DOCK10: variants seen among roughly 807,000 people sequenced by gnomAD.
The protein encoded by DOCK10 is dedicator of cytokinesis 10, also known as dedicator of cytokinesis protein 10.
Under a neutral mutation model 280.1 loss-of-function variants are expected in DOCK10, and 145 were observed. That is an observed-to-expected ratio of 0.52 (90% CI 0.45 to 0.59). DOCK10 has a LOEUF of 0.59. Ranked by LOEUF, DOCK10 falls within the 20% of genes least tolerant of loss-of-function variation. The pLI is 0.00. For synonymous variants in DOCK10, 915 were observed against 942.2 expected (o/e 0.97, Z 0.53); for missense variants, 2,368 against 2,651.7 (o/e 0.89, Z 2.35).
rs913354623 is a variant in DOCK10 at position 224,837,937 on chromosome 2, G to A, written c.2781-106C>T. The A allele has an allele frequency of 7.2e-6, 6 of 831,782 alleles. No homozygotes were observed. In the Admixed American group the frequency reaches 7.7e-5, roughly 11 times the overall value. 51.5% of individuals were successfully genotyped at this position (831,782 alleles called of 1,614,324 possible). A position where few individuals can be genotyped will look rare whatever the true frequency, so the allele number is the denominator to read the frequency against. On this transcript the variant is annotated intron_variant, in intron 24 of 55. Transcript: ENST00000258390. ...AAATTGGGTATTTAATAATTACTGG[G>A]TGAATGAATGAACCAATCTCTGACT...
intron 1 of DOCK10, among the ~76,000 whole-genome samples, chr2:225,024,871 C>T (rs543519952): frequency 1.3e-5 from 2 of 151,398 alleles, no homozygotes; most frequent in African/African-American, 2.4e-5. Context: ...CTGTGAGCAA[C>T]CAATGAAACT....
At chr2:224,948,683 C>T (rs1339642962) in intron 1 of DOCK10, among the ~76,000 whole-genome samples, 3 of 152,084 alleles carry the variant, frequency 2.0e-5, no homozygotes, top group Admixed American at 2.0e-4. Context: ...CTGATAAAAG[C>T]TATGAACCCA....
At chr2:224,817,798 T>C (rs1430339875) in intron 29 of DOCK10, among the ~76,000 whole-genome samples, 2 of 152,180 alleles carry the variant, frequency 1.3e-5, no homozygotes, top group East Asian at 3.9e-4. Flanking sequence ...GGTCAAAATC[T>C]CCACTGCACC....
At chr2:224,922,353 T>G (rs1356807274) in intron 2 of DOCK10, among the ~76,000 whole-genome samples, 3 of 152,208 alleles carry the variant, frequency 2.0e-5, no homozygotes. Context: ...CAAATTGTCT[T>G]GACCACAAGA....
chr2:225,023,220 G>A (rs1447538354), intron 1 of DOCK10, among the ~76,000 whole-genome samples: 3 of 152,064 alleles, frequency 2.0e-5, no homozygotes, highest in Admixed American at 2.0e-4. Flanking sequence ...GTTTTTAGTG[G>A]AGACGGGGTT....
chr2:224,965,473 T>C (rs1178608128), intron 1 of DOCK10, among the ~76,000 whole-genome samples: 1 of 152,208 alleles, frequency 6.6e-6, no homozygotes, highest in Non-Finnish European at 1.5e-5. Flanking sequence ...ACAATCCTTC[T>C]TGGGTGGATT....
intron 14 of DOCK10, among the ~76,000 whole-genome samples, chr2:224,857,497 A>T (rs567620583): frequency 3.2e-4 from 49 of 152,340 alleles, no homozygotes; most frequent in Non-Finnish European, 5.9e-4. Context: ...AGAGACAAAG[A>T]TAATACGGAA....
chr2:224,996,527 G>A (rs1411239568), intron 1 of DOCK10, among the ~76,000 whole-genome samples: 1 of 152,224 alleles, frequency 6.6e-6, no homozygotes, highest in Non-Finnish European at 1.5e-5. Flanking sequence ...CTTTGAAAGT[G>A]AGAGGGTGCT....
chr2:224,988,497 T>C (rs145549945), intron 1 of DOCK10, among the ~76,000 whole-genome samples: 24 of 152,326 alleles, frequency 1.6e-4, no homozygotes, highest in African/African-American at 5.3e-4. Context: ...GAGGCAGTGC[T>C]GTGATCATCC....
intron 19 of DOCK10, 125 bp downstream of exon 19, chr2:224,849,382 A>C: frequency 4.8e-6 from 3 of 621,798 alleles, no homozygotes; most frequent in Non-Finnish European, 8.4e-6. Flanking sequence ...TGGTAAGTAC[A>C]TACCTGCCAA....
At chr2:224,961,468 T>A (rs924224152) in intron 1 of DOCK10, among the ~76,000 whole-genome samples, 1 of 66,620 alleles carries the variant, frequency 1.5e-5, no homozygotes. Flanking sequence ...CTTTCTTTCT[T>A]TTTCTTTCTT....
intron 1 of DOCK10, chr2:224,983,439 C>T: frequency 5.0e-6 from 1 of 201,930 alleles, no homozygotes; most frequent in Non-Finnish European, 1.0e-5. Flanking sequence ...TATGAAATCC[C>T]CAATAGAATT....
intron 2 of DOCK10, among the ~76,000 whole-genome samples, chr2:224,917,518 T>G (rs1701405562): frequency 6.6e-6 from 1 of 152,090 alleles, no homozygotes. Flanking sequence ...TAACTGTGCG[T>G]GTGTGCGTGT....
At chr2:224,885,875 A>T in intron 6 of DOCK10, 70 bp from the exon 7 acceptor site, 1 of 1,557,954 alleles carries the variant, frequency 6.4e-7, no homozygotes, top group Non-Finnish European at 8.7e-7. Context: ...AATTAGAATT[A>T]TTCTAATTCC....
At chr2:224,918,501 G>A (rs1159223934) in intron 2 of DOCK10, among the ~76,000 whole-genome samples, 1 of 144,220 alleles carries the variant, frequency 6.9e-6, no homozygotes, top group Non-Finnish European at 1.6e-5. Flanking sequence ...GTGTGTGTGT[G>A]GTGTGCGTGT....
At chr2:224,845,049 C>T (rs911498729) in intron 21 of DOCK10, among the ~76,000 whole-genome samples, 154 bp downstream of exon 21, 1 of 152,104 alleles carries the variant, frequency 6.6e-6, no homozygotes, top group Non-Finnish European at 1.5e-5. Context: ...TTCCAGTGGC[C>T]ATAAGCTAAA....
Position 224,770,574 on chromosome 2 carries a change from G to A in DOCK10, c.6276C>T (p.Asn2092=). 1 of 1,613,954 alleles carries A rather than the reference G, an allele frequency of 6.2e-7. No individual in the cohort carries two copies. The highest frequency in any genetic ancestry group is 8.5e-7 in the Non-Finnish European group (1 of 1,179,814). The change falls in exon 54 of 56, where the codon AAC becomes AAT. Residue 2092 remains asparagine (N), a synonymous_variant. Coordinates refer to ENST00000258390, the MANE Select transcript of DOCK10 (RefSeq NM_014689.3). This position sits in a 1 kb window ranked among gnomAD's most constrained non-coding sequence, Gnocchi z 4.5. ...EETNAKKYPD[N]QVKLLKEIFR... The stretch of plus-strand genomic sequence containing the variant: ...AGATCTCCTTCAAAAGCTTTACTTG[G>A]TTGTCAGGGTACTTCTTTGCATTGG...
intron 9 of DOCK10, 70 bp from the exon 10 acceptor site, chr2:224,874,419 C>T: frequency 8.2e-7 from 1 of 1,223,790 alleles, no homozygotes. Flanking sequence ...ATCCACATGG[C>T]CAAGAAGCAG....
intron 30 of DOCK10, among the ~76,000 whole-genome samples, chr2:224,815,250 C>T (rs576312094): frequency 1.6e-3 from 237 of 152,252 alleles, no homozygotes; most frequent in African/African-American, 5.5e-3. Context: ...CACCTTCTGC[C>T]TTGATTGTAA....
Sources: gnomAD v4.1 joint callset for allele counts (sites outside exome capture counted in the v4.1 genomes callset) on GRCh38, gnomAD v4.1.1 for gene constraint, Gnocchi (gnomAD v3.1) non-coding constraint, MANE v1.5 for transcripts, NCBI Gene and HGNC (gene_info 2026-07-23, HGNC 2026-07-21) for gene names.